The following TBXAS1 variants were observed in gnomAD, a reference collection of about 807,000 sequenced individuals.
The protein encoded by TBXAS1 is thromboxane A synthase 1.
TBXAS1 carries 48 observed loss-of-function variants against 60.7 expected under a neutral mutation model. That is an observed-to-expected ratio of 0.79 (90% CI 0.63 to 1.01). The LOEUF (loss-of-function observed/expected upper bound fraction) is 1.01. Among genes scored for constraint, TBXAS1 ranks in the 50% least tolerant of loss-of-function variants. TBXAS1 has a pLI of 0.00. For synonymous variants in TBXAS1, 287 were observed against 269.7 expected (o/e 1.06, Z -0.63); for missense variants, 685 against 686.3 (o/e 1.00, Z 0.02).
chr7:139,889,583 T>C (rs1445045615), intron 3 of TBXAS1, among the ~76,000 whole-genome samples: 1 of 152,200 alleles, frequency 6.6e-6, no homozygotes, highest in Non-Finnish European at 1.5e-5. Context: ...ATAACAGAAA[T>C]TTATTTCTCA....
intron 1 of TBXAS1, among the ~76,000 whole-genome samples, chr7:139,838,812 G>A (rs1799235352): frequency 6.6e-6 from 1 of 152,168 alleles, no homozygotes; most frequent in African/African-American, 2.4e-5. Flanking sequence ...GGGCATCAGG[G>A]GATCAGGGCT....
chr7:139,994,284 C>T (rs1003204321), intron 9 of TBXAS1, among the ~76,000 whole-genome samples: 5 of 152,200 alleles, frequency 3.3e-5, no homozygotes, highest in Admixed American at 3.3e-4. Flanking sequence ...CTCAAGTGAT[C>T]TGCCTGCCTT....
intron 3 of TBXAS1, among the ~76,000 whole-genome samples, chr7:139,889,669 C>T (rs892765715): frequency 3.3e-5 from 5 of 152,170 alleles, no homozygotes; most frequent in Admixed American, 3.3e-4. Context: ...CTTTCTGGTT[C>T]ATAGATGGTG....
chr7:139,952,672 C>A, intron 5 of TBXAS1: 2 of 1,533,896 alleles, frequency 1.3e-6, no homozygotes, highest in South Asian at 1.2e-5. Flanking sequence ...CTCCATTATG[C>A]CACTCTACCT....
intron 3 of TBXAS1, among the ~76,000 whole-genome samples, chr7:139,890,851 T>C (rs561167397): frequency 6.6e-6 from 1 of 152,304 alleles, no homozygotes; most frequent in East Asian, 1.9e-4. Context: ...GTTCTCTCAT[T>C]CCCCTTCCCA....
At position 139,952,452 on chromosome 7, in the gene TBXAS1, T is replaced by C. The variant is rs1024486590; in HGVS notation, c.451-916T>C. The C allele has an allele frequency of 5.3e-5, 72 of 1,364,628 alleles. No individual in the cohort carries two copies. In the East Asian group the frequency reaches 5.7e-4, roughly 11 times the overall value. 84.5% of individuals were successfully genotyped at this position (1,364,628 alleles called of 1,614,324 possible). ...CATAGGTTACATTTTATGTCTTTCATGAGAAATGCTCAGAATGATGTATTA... is the reference window on the plus strand; with the variant it reads ...CATAGGTTACATTTTATGTCTTTCACGAGAAATGCTCAGAATGATGTATTA... On this transcript the variant is annotated intron_variant, in intron 5 of 12. Coordinates refer to ENST00000448866, the MANE Select transcript of TBXAS1 (RefSeq NM_001061.7).
intron 4 of TBXAS1, among the ~76,000 whole-genome samples, chr7:139,931,222 T>C (rs1207356979): frequency 3.3e-5 from 5 of 152,202 alleles, no homozygotes; most frequent in African/African-American, 1.2e-4. Context: ...TCTCCTTTTT[T>C]TAAATGCTGG....
At chr7:139,912,960 C>T (rs1461613765) in intron 4 of TBXAS1, 2 of 618,242 alleles carry the variant, frequency 3.2e-6, no homozygotes, top group Non-Finnish European at 5.9e-6. Context: ...GTCTAGAGCT[C>T]TTTTTACTGC....
intron 9 of TBXAS1, among the ~76,000 whole-genome samples, chr7:139,969,655 T>A (rs1811052241): frequency 6.6e-6 from 1 of 152,130 alleles, no homozygotes; most frequent in Non-Finnish European, 1.5e-5. Flanking sequence ...GGCTTTGAGA[T>A]CAAGTAGAAA....
At chr7:139,807,089 G>T (rs1482102722) in intron 4 of TBXAS1, among the ~76,000 whole-genome samples, 2 of 152,168 alleles carry the variant, frequency 1.3e-5, no homozygotes, top group African/African-American at 4.8e-5. Context: ...CAGTCCAACT[G>T]CCCTCCCTGC....
At chr7:139,990,677 C>T (rs1468100674) in intron 9 of TBXAS1, among the ~76,000 whole-genome samples, 3 of 151,972 alleles carry the variant, frequency 2.0e-5, no homozygotes, top group Non-Finnish European at 4.4e-5. Flanking sequence ...TGCTGCCACC[C>T]TCCCCACCCC....
At chr7:139,827,477 G>A (rs1348545471), upstream of TBXAS1, among the ~76,000 whole-genome samples, 1 of 152,232 alleles carries the variant, frequency 6.6e-6, no homozygotes, top group Non-Finnish European at 1.5e-5. Context: ...ATATTGAAAT[G>A]TGAGGTACCA....
At chr7:140,019,621 T>C (rs550686409) in intron 12 of TBXAS1, among the ~76,000 whole-genome samples, 3 of 152,322 alleles carry the variant, frequency 2.0e-5, no homozygotes, top group East Asian at 3.9e-4. Flanking sequence ...ATCATTTTAC[T>C]CAGCTCCAGA....
rs763520224 is a variant in TBXAS1, at chr7:139,962,260, C to G, written c.1134+27C>G. ...TGAGTACAAGTTGGATCCAGTTACC[C>G]ATGGGATATCCATAGGACAATTGAT... On this transcript the variant is annotated intron_variant, in intron 9 of 12. Coordinates refer to ENST00000448866, the MANE Select transcript of TBXAS1 (RefSeq NM_001061.7). The G allele has an allele frequency of 3.1e-6, 5 of 1,612,436 alleles. No homozygotes were observed. The South Asian group carries it at 5.5e-5, about 18-fold the overall frequency.
At chr7:139,809,264 TAGATAGAAC>T (rs1797965102) in intron 4 of TBXAS1, among the ~76,000 whole-genome samples, 1 of 126,438 alleles carries the variant, frequency 7.9e-6, no homozygotes, top group South Asian at 3.0e-4. Context: ...GATAGATAGA[TAGATAGAAC>T]CAATAGGAAA....
intron 1 of TBXAS1, among the ~76,000 whole-genome samples, chr7:139,830,483 T>C (rs751954405): frequency 1.3e-5 from 2 of 152,212 alleles, no homozygotes; most frequent in Non-Finnish European, 2.9e-5. Flanking sequence ...TTCTTGGAAA[T>C]TGGCTCTGAA....
intron 4 of TBXAS1, among the ~76,000 whole-genome samples, chr7:139,790,592 A>G (rs1797350979): frequency 6.6e-6 from 1 of 152,238 alleles, no homozygotes; most frequent in Admixed American, 6.5e-5. Flanking sequence ...TAGAGAAAAG[A>G]AATCAAGCTT....
At chr7:139,850,025 C>T (rs889489464) in intron 1 of TBXAS1, among the ~76,000 whole-genome samples, 2 of 152,246 alleles carry the variant, frequency 1.3e-5, no homozygotes, top group East Asian at 3.8e-4. Flanking sequence ...TTGTTTATTT[C>T]TTGCCCTTCC....
At chr7:139,815,534 C>T (rs1378531032) in intron 4 of TBXAS1, among the ~76,000 whole-genome samples, 1 of 152,206 alleles carries the variant, frequency 6.6e-6, no homozygotes. Context: ...TTGGCAATAC[C>T]TCTCTATGAT....
Sources: allele counts gnomAD v4.1 joint callset (sites outside exome capture counted in the v4.1 genomes callset), GRCh38; gene constraint gnomAD v4.1.1; transcripts MANE v1.5; gene names NCBI Gene and HGNC (gene_info 2026-07-23, HGNC 2026-07-21).